The following ZSCAN25 variants were observed in gnomAD, a reference collection of about 807,000 sequenced individuals.
The protein encoded by ZSCAN25 is zinc finger and SCAN domain containing 25.
In ZSCAN25, 27 loss-of-function variants were observed where a neutral mutation model predicts 38.7. The ratio of observed to expected loss-of-function variants is 0.70; its 90% confidence interval spans 0.51 to 0.96. ZSCAN25 has a LOEUF of 0.96. ZSCAN25 is among the 40% of genes least tolerant of loss of function. ZSCAN25 has a pLI of 0.00. For synonymous variants in ZSCAN25, 273 were observed against 277.7 expected (o/e 0.98, Z 0.17); for missense variants, 637 against 705.9 (o/e 0.90, Z 1.11).
the ZSCAN25 span, among the ~76,000 whole-genome samples, chr7:99,691,751 A>G: frequency 1.3e-5 from 2 of 151,990 alleles, no homozygotes; most frequent in Admixed American, 1.3e-4. Context: ...TGCTTAGTAG[A>G]TCTTCCTCCA....
At chr7:99,688,614 G>A in the ZSCAN25 span, among the ~76,000 whole-genome samples, 1 of 152,062 alleles carries the variant, frequency 6.6e-6, no homozygotes, top group Non-Finnish European at 1.5e-5. Flanking sequence ...ACAGATCAAC[G>A]AGACCAAAAG....
the ZSCAN25 span, chr7:99,731,083 C>T: frequency 1.2e-6 from 2 of 1,613,646 alleles, no homozygotes; most frequent in Non-Finnish European, 1.7e-6. Context: ...AAGCATTTCC[C>T]AAAAAAGGCA....
the ZSCAN25 span, among the ~76,000 whole-genome samples, chr7:99,733,225 A>G: frequency 6.6e-6 from 1 of 152,106 alleles, no homozygotes; most frequent in African/African-American, 2.4e-5. Flanking sequence ...CTGCTTCTAA[A>G]CTTTCTACAT....
At chr7:99,665,442 T>C in the ZSCAN25 span, 1 of 1,324,310 alleles carries the variant, frequency 7.6e-7, no homozygotes, top group Non-Finnish European at 1.1e-6. Flanking sequence ...AACTATCTGC[T>C]GAATCATCTT....
At chr7:99,724,944 C>G in the ZSCAN25 span, among the ~76,000 whole-genome samples, 1 of 152,112 alleles carries the variant, frequency 6.6e-6, no homozygotes, top group Non-Finnish European at 1.5e-5. Flanking sequence ...AGAGTTGATA[C>G]CCTAGCCCAA....
the ZSCAN25 span, chr7:99,660,557 G>T: frequency 1.2e-6 from 2 of 1,613,938 alleles, no homozygotes; most frequent in Non-Finnish European, 1.7e-6. Flanking sequence ...ATCAGGGTGA[G>T]TGGCCAGTTC....
the ZSCAN25 span, chr7:99,674,673 A>G: frequency 1.8e-5 from 20 of 1,091,520 alleles, no homozygotes; most frequent in Non-Finnish European, 2.3e-5. Context: ...GTTGCGTCCA[A>G]TGAAATCAGG....
the ZSCAN25 span, among the ~76,000 whole-genome samples, chr7:99,703,693 C>G: frequency 6.6e-6 from 1 of 152,136 alleles, no homozygotes; most frequent in African/African-American, 2.4e-5. Flanking sequence ...TTCTATCATC[C>G]TTAATATATT....
chr7:99,710,916 T>G, the ZSCAN25 span: 1 of 1,613,440 alleles, frequency 6.2e-7, no homozygotes, highest in Non-Finnish European at 8.5e-7. Context: ...AAAGACATTT[T>G]AGGTAAATCA....
chr7:99,712,704 A>G, the ZSCAN25 span, among the ~76,000 whole-genome samples: 1 of 152,316 alleles, frequency 6.6e-6, no homozygotes, highest in Admixed American at 6.5e-5. Flanking sequence ...ACATATTTAA[A>G]TCTGTATGCC....
chr7:99,630,489 G>T lies in ZSCAN25; in HGVS notation c.*469G>T, dbSNP rs995822605. The T allele has an allele frequency of 5.0e-6, 5 of 997,532 alleles. No homozygotes were observed. In the African/African-American group the frequency reaches 7.0e-5, roughly 14 times the overall value. The allele number at this position is 997,532 out of a possible 1,614,324, so 61.8% of individuals were successfully genotyped here. A position where few individuals can be genotyped will look rare whatever the true frequency, so the allele number is the denominator to read the frequency against. ...CTGAGCACCTGGCCGTGGGAATGCC[G>T]TGGTGAATGAGAGACTAGACGTGAT... is the stretch of plus-strand genomic sequence containing the variant. On this transcript the variant is annotated 3_prime_UTR_variant, in exon 8 of 8. Coordinates refer to ENST00000394152, the MANE Select transcript of ZSCAN25 (RefSeq NM_145115.3).
chr7:99,654,146 A>G, the ZSCAN25 span, among the ~76,000 whole-genome samples: 1 of 152,074 alleles, frequency 6.6e-6, no homozygotes, highest in South Asian at 2.1e-4. Flanking sequence ...TTTGTTACAT[A>G]TGTATACCTA....
At chr7:99,621,259 C>T (rs1806928457) in intron 4 of ZSCAN25, 114 bp from the exon 5 acceptor site, 10 of 957,662 alleles carry the variant, frequency 1.0e-5, no homozygotes, top group Middle Eastern at 2.8e-4. Context: ...TCCTTCCTCT[C>T]CCCTGAAGCT....
At chr7:99,715,834 A>G in the ZSCAN25 span, 1 of 1,613,964 alleles carries the variant, frequency 6.2e-7, no homozygotes, top group African/African-American at 1.3e-5. Flanking sequence ...GGTCTTGTGG[A>G]TTGTTGAGAG....
Position 99,619,541 on chromosome 7 carries a change from G to A in ZSCAN25, c.-46-20G>A. 1.3e-6 allele frequency: 2 copies of A among 1,517,624 alleles called. No homozygotes were observed. 94.0% of individuals were successfully genotyped at this position (1,517,624 alleles called of 1,614,324 possible). On this transcript the variant is annotated intron_variant, in intron 3 of 7. Transcript: ENST00000394152. The stretch of plus-strand genomic sequence containing the variant: ...GAACTGGGATGGGCTGACCTTTCAT[G>A]TGTCTCTTGTTCTCAAAAGGGTCAT...
chr7:99,655,442 CTGTTT>C, the ZSCAN25 span, among the ~76,000 whole-genome samples: 2 of 152,312 alleles, frequency 1.3e-5, no homozygotes, highest in South Asian at 4.1e-4. Context: ...ATCAATATCT[CTGTTT>C]TGGTACCAGT....
chr7:99,624,739 C>T (rs1807320093), intron 7 of ZSCAN25, among the ~76,000 whole-genome samples: 1 of 152,124 alleles, frequency 6.6e-6, no homozygotes, highest in Non-Finnish European at 1.5e-5. Context: ...GACCTGGGCT[C>T]AGAGCCTGGG....
the ZSCAN25 span, chr7:99,730,923 C>A: frequency 5.0e-3 from 6,043 of 1,203,440 alleles, 214 homozygotes; most frequent in African/African-American, 0.08. Flanking sequence ...TTGCCACGCT[C>A]TGGGTGATGC....
At chr7:99,623,119 T>TA (rs1224133722) in intron 6 of ZSCAN25, among the ~76,000 whole-genome samples, 4 of 152,308 alleles carry the variant, frequency 2.6e-5, no homozygotes, top group African/African-American at 7.2e-5. Context: ...GATGGACTCT[T>TA]ACAACTGTTA....
Sources: allele counts gnomAD v4.1 joint callset (sites outside exome capture counted in the v4.1 genomes callset), GRCh38; gene constraint gnomAD v4.1.1; transcripts MANE v1.5; gene names NCBI Gene and HGNC (gene_info 2026-07-23, HGNC 2026-07-21).